PRMT6: variants seen among roughly 807,000 people sequenced by gnomAD.
The protein encoded by PRMT6 is protein arginine methyltransferase 6.
In PRMT6, 23 loss-of-function variants were observed where a neutral mutation model predicts 30.5. The observed-to-expected ratio is 0.75, with a 90% CI of 0.54 to 1.07. The LOEUF (loss-of-function observed/expected upper bound fraction) is 1.07, where lower values mean the gene tolerates loss of function less well. Among genes scored for constraint, PRMT6 ranks in the 50% least tolerant of loss-of-function variants. The probability of loss-of-function intolerance (pLI) is 0.00; values close to 1 mark genes in which losing one functional copy is unlikely to be tolerated. For synonymous variants in PRMT6, 265 were observed against 228.0 expected, an observed-to-expected ratio of 1.16 and a Z score of -1.46; for missense variants, 528 against 514.3, an observed-to-expected ratio of 1.03 and a Z score of -0.26.
chr1:107,057,358 T>A lies in PRMT6; in HGVS notation c.643T>A (p.Tyr215Asn). The change falls in exon 1 of 1, where the codon TAT becomes AAT. Residue 215 changes from tyrosine (Y) to asparagine (N), a missense_variant. Tyr to Asn is a moderately radical substitution (Grantham distance 143). Transcript: ENST00000370078. ...CTTCTGGAGCCAGGTGAAGCAGCAC[T>A]ATGGTGTGGACATGAGCTGCCTGGA... ...LGFWSQVKQH[Y>N]GVDMSCLEGF... 6.2e-7 allele frequency: 1 copy of A among 1,613,776 alleles called. No individual in the cohort carries two copies. The highest frequency in any genetic ancestry group is 8.5e-7 in the Non-Finnish European group (1 of 1,180,038).
At position 107,057,387 on chromosome 1, in the gene PRMT6, C is replaced by T. The variant is rs370615431; in HGVS notation, c.672C>T (p.Gly224=). Residue 224 remains glycine (G), a synonymous_variant, in exon 1 of 1, where the codon GGC becomes GGT. Transcript: ENST00000370078. ...HYGVDMSCLE[G]FATRCLMGHS... ...GTGTGGACATGAGCTGCCTGGAGGG[C>T]TTCGCCACGCGCTGTCTCATGGGCC... 6 of 1,613,600 alleles carry T rather than the reference C, an allele frequency of 3.7e-6. No homozygotes were observed. Among genetic ancestry groups the T allele is most frequent in the Non-Finnish European group, 4.2e-6 (5 of 1,180,052 alleles).
chr1:107,056,879 C>A lies in PRMT6; in HGVS notation c.164C>A (p.Ser55Ter). ...QLYYECYSDV[S>*]VHEEMIADRV... Reference sequence around the variant, plus strand: ...TACTACGAGTGCTACTCGGACGTTTCGGTCCACGAGGAGATGATCGCGGAC... The same window carrying A: ...TACTACGAGTGCTACTCGGACGTTTAGGTCCACGAGGAGATGATCGCGGAC... The change falls in exon 1 of 1, where the codon TCG (serine) becomes TAG (stop). Residue 55 changes from serine to a stop codon, truncating the protein, a stop_gained. Transcript: ENST00000370078. LOFTEE classifies it high-confidence loss of function. 6.2e-7 allele frequency: 1 copy of A among 1,613,632 alleles called. No homozygotes were observed. The highest frequency in any genetic ancestry group is 1.1e-5 in the South Asian group (1 of 91,026).
Position 107,057,129 on chromosome 1 carries a change from A to G in PRMT6, c.414A>G (p.Gly138=). The stretch of plus-strand genomic sequence containing the variant: ...AGGACCGGGTGCACGTCCTGCCGGG[A>G]CCAGTGGAGACTGTAGAGTTGCCGG... ...GLEDRVHVLP[G]PVETVELPEQ... The change falls in exon 1 of 1, where the codon GGA becomes GGG. Residue 138 remains glycine, a synonymous_variant. Coordinates refer to ENST00000370078, the MANE Select transcript of PRMT6 (RefSeq NM_018137.3). 1.2e-6 allele frequency: 2 copies of G among 1,607,278 alleles called. No individual in the cohort carries two copies. Among genetic ancestry groups the G allele is most frequent in the Non-Finnish European group, 8.5e-7 (1 of 1,179,988 alleles).
At position 107,056,917 on chromosome 1, in the gene PRMT6, G is replaced by T; in HGVS notation, c.202G>T (p.Asp68Tyr). The change falls in exon 1 of 1, where the codon GAT (aspartate) becomes TAT (tyrosine). Residue 68 changes from aspartate (D) to tyrosine (Y), a missense_variant. Asp to Tyr is a radical substitution (Grantham distance 160). Coordinates refer to ENST00000370078, the MANE Select transcript of PRMT6 (RefSeq NM_018137.3). Reference sequence around the variant, plus strand: ...GATGATCGCGGACCGCGTCCGCACCGATGCCTACCGCCTGGGTATCCTTCG... The same window carrying T: ...GATGATCGCGGACCGCGTCCGCACCTATGCCTACCGCCTGGGTATCCTTCG... Reference protein sequence around the residue: ...EEMIADRVRTDAYRLGILRNW... With the variant: ...EEMIADRVRTYAYRLGILRNW... 6.2e-7 allele frequency: 1 copy of T among 1,611,666 alleles called. No homozygotes were observed. The highest frequency in any genetic ancestry group is 1.1e-5 in the South Asian group (1 of 90,830).
rs889078600 is a variant in PRMT6 at position 107,058,515 on chromosome 1, T to G, written c.*672T>G. On this transcript the variant is annotated 3_prime_UTR_variant, in exon 1 of 1. Coordinates refer to ENST00000370078, the MANE Select transcript of PRMT6 (RefSeq NM_018137.3). The stretch of plus-strand genomic sequence containing the variant: ...TTAATCCGTTAAGTAAAATGGACTT[T>G]GTAATTGTACAGCATACCTAAGAAA... 27 of 167,940 alleles carry G rather than the reference T, an allele frequency of 1.6e-4. No individual in the cohort carries two copies. Among genetic ancestry groups the G allele is most frequent in the African/African-American group, 5.3e-4 (22 of 41,454 alleles). 10.4% of individuals were successfully genotyped at this position (167,940 alleles called of 1,614,324 possible).
At position 107,057,659 on chromosome 1, in the gene PRMT6, C is replaced by T. The variant is rs1299605034; in HGVS notation, c.944C>T (p.Ala315Val). The change falls in exon 1 of 1, where the codon GCC becomes GTC. Residue 315 changes from alanine (A) to valine (V), a missense_variant. Ala to Val is a moderately conservative substitution (Grantham distance 64). Coordinates refer to ENST00000370078, the MANE Select transcript of PRMT6 (RefSeq NM_018137.3). Reference protein sequence around the residue: ...LVLSTSPFHPATHWKQALLYL... With the variant: ...LVLSTSPFHPVTHWKQALLYL... Reference sequence around the variant, plus strand: ...CTGTCCACCTCGCCTTTTCACCCGGCCACTCACTGGAAACAGGCGCTCCTC... The same window carrying T: ...CTGTCCACCTCGCCTTTTCACCCGGTCACTCACTGGAAACAGGCGCTCCTC... 6.2e-7 allele frequency: 1 copy of T among 1,614,114 alleles called. No homozygotes were observed. Among genetic ancestry groups the T allele is most frequent in the Non-Finnish European group, 8.5e-7 (1 of 1,180,050 alleles).
chr1:107,057,201 G>A lies in PRMT6; in HGVS notation c.486G>A (p.Leu162=). 6.2e-7 allele frequency: 1 copy of A among 1,612,830 alleles called. No homozygotes were observed. The highest frequency in any genetic ancestry group is 1.3e-5 in the African/African-American group (1 of 75,066). ...GCGAGTGGATGGGCTACGGACTCCT[G>A]CACGAGTCCATGCTGAGCTCCGTCC... ...IVSEWMGYGL[L]HESMLSSVLH... The change falls in exon 1 of 1, where the codon CTG becomes CTA. Residue 162 remains leucine (L), a synonymous_variant. Coordinates refer to ENST00000370078, the MANE Select transcript of PRMT6 (RefSeq NM_018137.3).
In PRMT6 at chr1:107,057,327, C is replaced by T; in HGVS notation, c.612C>T (p.Arg204=). Residue 204 remains arginine (R), a synonymous_variant, in exon 1 of 1, where the codon CGC becomes CGT. Coordinates refer to ENST00000370078, the MANE Select transcript of PRMT6 (RefSeq NM_018137.3). ...TCAGCGACCAGATGCTGGAATGGCGCCTGGGCTTCTGGAGCCAGGTGAAGC... is the reference window on the plus strand; with the variant it reads ...TCAGCGACCAGATGCTGGAATGGCGTCTGGGCTTCTGGAGCCAGGTGAAGC... ...APISDQMLEW[R]LGFWSQVKQH... is the part of the protein sequence containing the mutation. The T allele has an allele frequency of 6.2e-7, 1 of 1,613,962 alleles. No homozygotes were observed. The highest frequency in any genetic ancestry group is 8.5e-7 in the Non-Finnish European group (1 of 1,180,048).
At position 107,057,617 on chromosome 1, in the gene PRMT6, C is replaced by T; in HGVS notation, c.902C>T (p.Ser301Leu). 6.2e-7 allele frequency: 1 copy of T among 1,614,168 alleles called. No homozygotes were observed. The change falls in exon 1 of 1, where the codon TCG becomes TTG. Residue 301 changes from serine to leucine, a missense_variant. Coordinates refer to ENST00000370078, the MANE Select transcript of PRMT6 (RefSeq NM_018137.3). ...WFQVTFPGGE[S>L]EKPLVLSTSP... ...CAGGTGACCTTCCCTGGAGGGGAGTCGGAGAAACCCCTGGTGCTGTCCACC... is the reference window on the plus strand; with the variant it reads ...CAGGTGACCTTCCCTGGAGGGGAGTTGGAGAAACCCCTGGTGCTGTCCACC...
In PRMT6 at chr1:107,057,191, A is replaced by T. The variant is rs762143228; in HGVS notation, c.476A>T (p.Tyr159Phe). The T allele has an allele frequency of 6.2e-7, 1 of 1,612,200 alleles. No individual in the cohort carries two copies. Among genetic ancestry groups the T allele is most frequent in the Non-Finnish European group, 8.5e-7 (1 of 1,180,034 alleles). Residue 159 changes from tyrosine to phenylalanine, a missense_variant, in exon 1 of 1, where the codon TAC becomes TTC. Physicochemically the swap from Tyr to Phe is conservative, Grantham distance 22. Coordinates refer to ENST00000370078, the MANE Select transcript of PRMT6 (RefSeq NM_018137.3). ...VDAIVSEWMG[Y>F]GLLHESMLSS... is the part of the protein sequence containing the mutation. ...GCCATCGTGAGCGAGTGGATGGGCT[A>T]CGGACTCCTGCACGAGTCCATGCTG...
Position 107,056,962 on chromosome 1 carries a change from G to A in PRMT6, c.247G>A (p.Gly83Ser), listed in dbSNP as rs1047739649. The A allele has an allele frequency of 2.5e-6, 4 of 1,613,172 alleles. No homozygotes were observed. The highest frequency in any genetic ancestry group is 3.3e-5 in the Admixed American group (2 of 59,956). The change falls in exon 1 of 1, where the codon GGC becomes AGC. Residue 83 changes from glycine to serine, a missense_variant. Physicochemically the swap from Gly to Ser is moderately conservative, Grantham distance 56. Coordinates refer to ENST00000370078, the MANE Select transcript of PRMT6 (RefSeq NM_018137.3). ...GILRNWAALRGKTVLDVGAGT... is the reference protein window; with the variant it reads ...GILRNWAALRSKTVLDVGAGT... Reference sequence around the variant, plus strand: ...CCTTCGGAACTGGGCAGCACTGCGAGGCAAGACGGTACTGGACGTGGGCGC... The same window carrying A: ...CCTTCGGAACTGGGCAGCACTGCGAAGCAAGACGGTACTGGACGTGGGCGC...
chr1:107,057,439 T>C lies in PRMT6; in HGVS notation c.724T>C (p.Ser242Pro). The change falls in exon 1 of 1, where the codon TCC (serine) becomes CCC (proline). Residue 242 changes from serine to proline, a missense_variant. By Grantham distance (74) the Ser-to-Pro change is moderately conservative (BLOSUM62 -1). Transcript: ENST00000370078. ...GHSEIVVQGL[S>P]GEDVLARPQR... ...CTCGGAGATCGTTGTGCAGGGATTG[T>C]CCGGCGAGGACGTGCTGGCCCGGCC... 1 of 1,613,520 alleles carries C rather than the reference T, an allele frequency of 6.2e-7. No homozygotes were observed. The highest frequency in any genetic ancestry group is 8.5e-7 in the Non-Finnish European group (1 of 1,179,904).
In PRMT6 at chr1:107,057,818, C is replaced by G. The variant is rs1184699144; in HGVS notation, c.1103C>G (p.Thr368Ser). 6.3e-7 allele frequency: 1 copy of G among 1,591,860 alleles called. No homozygotes were observed. The highest frequency in any genetic ancestry group is 8.6e-7 in the Non-Finnish European group (1 of 1,168,516). Residue 368 changes from threonine to serine, a missense_variant, in exon 1 of 1, where the codon ACC becomes AGC. By Grantham distance (58) the Thr-to-Ser change is moderately conservative (BLOSUM62 1). Transcript: ENST00000370078. The part of the protein sequence containing the change: ...RYKVGDQEEK[T>S]KDFAMED ...AAAGTGGGAGACCAGGAGGAGAAGA[C>G]CAAAGACTTTGCCATGGAGGACTGA...
rs1476664943 is a variant in PRMT6, at chr1:107,057,369, C to G, written c.654C>G (p.Asp218Glu). 5 of 1,613,654 alleles carry G rather than the reference C, an allele frequency of 3.1e-6. No homozygotes were observed. The Admixed American group carries it at 8.3e-5, about 27-fold the overall frequency. The change falls in exon 1 of 1, where the codon GAC (aspartate) becomes GAG (glutamate). Residue 218 changes from aspartate (D) to glutamate (E), a missense_variant. Physicochemically the swap from Asp to Glu is conservative, Grantham distance 45 (BLOSUM62 2). Transcript: ENST00000370078. ...WSQVKQHYGVDMSCLEGFATR... is the reference protein window; with the variant it reads ...WSQVKQHYGVEMSCLEGFATR... ...AGGTGAAGCAGCACTATGGTGTGGA[C>G]ATGAGCTGCCTGGAGGGCTTCGCCA...
In PRMT6 at chr1:107,057,576, C is replaced by T; in HGVS notation, c.861C>T (p.Gly287=). The change falls in exon 1 of 1, where the codon GGC becomes GGT. Residue 287 remains glycine, a synonymous_variant. Coordinates refer to ENST00000370078, the MANE Select transcript of PRMT6 (RefSeq NM_018137.3). ...GCTATGGCTCGGCGCCCATGCATGGCTTTGCCATCTGGTTCCAGGTGACCT... is the reference window on the plus strand; with the variant it reads ...GCTATGGCTCGGCGCCCATGCATGGTTTTGCCATCTGGTTCCAGGTGACCT... ...CSCYGSAPMH[G]FAIWFQVTFP... 2 of 1,613,994 alleles carry T rather than the reference C, an allele frequency of 1.2e-6. No homozygotes were observed. Among genetic ancestry groups the T allele is most frequent in the South Asian group, 1.1e-5 (1 of 91,084 alleles).
At position 107,057,080 on chromosome 1, in the gene PRMT6, A is replaced by C. The variant is rs775940497; in HGVS notation, c.365A>C (p.Glu122Ala). Residue 122 changes from glutamate to alanine, a missense_variant, in exon 1 of 1, where the codon GAG becomes GCG. Physicochemically the swap from Glu to Ala is moderately radical, Grantham distance 107. Coordinates refer to ENST00000370078, the MANE Select transcript of PRMT6 (RefSeq NM_018137.3). ...AGCGCCATCTGGCAACAGGCCCGGG[A>C]GGTGGTGCGGTTCAACGGGCTGGAG... is the stretch of plus-strand genomic sequence containing the variant. ...EASAIWQQAREVVRFNGLEDR... is the reference protein window; with the variant it reads ...EASAIWQQARAVVRFNGLEDR... 1.9e-6 allele frequency: 3 copies of C among 1,609,478 alleles called. No individual in the cohort carries two copies. The highest frequency in any genetic ancestry group is 2.5e-6 in the Non-Finnish European group (3 of 1,179,388).
In PRMT6 at chr1:107,057,546, C is replaced by T; in HGVS notation, c.831C>T (p.Cys277=). The T allele has an allele frequency of 6.2e-7, 1 of 1,613,834 alleles. No individual in the cohort carries two copies. Among genetic ancestry groups the T allele is most frequent in the African/African-American group, 1.3e-5 (1 of 75,076 alleles). Reference sequence around the variant, plus strand: ...CCGGAGTGGGCGGGCGCTTCCGCTGCAGCTGCTATGGCTCGGCGCCCATGC... The same window carrying T: ...CCGGAGTGGGCGGGCGCTTCCGCTGTAGCTGCTATGGCTCGGCGCCCATGC... The part of the protein sequence containing the change: ...LEAGVGGRFR[C]SCYGSAPMHG... Residue 277 remains cysteine, a synonymous_variant, in exon 1 of 1, where the codon TGC becomes TGT. Coordinates refer to ENST00000370078, the MANE Select transcript of PRMT6 (RefSeq NM_018137.3).
Position 107,056,826 on chromosome 1 carries a change from G to A in PRMT6, c.111G>A (p.Arg37=), listed in dbSNP as rs1651725119. 6.2e-7 allele frequency: 1 copy of A among 1,605,454 alleles called. No individual in the cohort carries two copies. Among genetic ancestry groups the A allele is most frequent in the Non-Finnish European group, 8.5e-7 (1 of 1,175,948 alleles). ...AEREAALERP[R]RTKRERDQLY... ...GGGAGGCGGCCCTGGAGCGACCCCG[G>A]AGGACTAAGCGGGAACGGGACCAGC... The change falls in exon 1 of 1, where the codon CGG becomes CGA. Residue 37 remains arginine (R), a synonymous_variant. Coordinates refer to ENST00000370078, the MANE Select transcript of PRMT6 (RefSeq NM_018137.3).
chr1:107,057,017 C>A lies in PRMT6; in HGVS notation c.302C>A (p.Ala101Asp). The stretch of plus-strand genomic sequence containing the variant: ...ACCGGCATTCTGAGCATCTTCTGTG[C>A]CCAGGCCGGGGCCCGGCGCGTGTAC... Reference protein sequence around the residue: ...AGTGILSIFCAQAGARRVYAV... With the variant: ...AGTGILSIFCDQAGARRVYAV... Residue 101 changes from alanine to aspartate, a missense_variant, in exon 1 of 1, where the codon GCC becomes GAC. Transcript: ENST00000370078. 1 of 1,613,532 alleles carries A rather than the reference C, an allele frequency of 6.2e-7. No individual in the cohort carries two copies. Among genetic ancestry groups the A allele is most frequent in the South Asian group, 1.1e-5 (1 of 91,008 alleles).
Sources: allele counts gnomAD v4.1 joint callset, GRCh38; gene constraint gnomAD v4.1.1; transcripts MANE v1.5; gene names NCBI Gene and HGNC (gene_info 2026-07-23, HGNC 2026-07-21).